Variants in CDHR1 observed in about 807,000 individuals in gnomAD.
The protein encoded by CDHR1 is cadherin-related family member 1.
CDHR1 carries 61 observed loss-of-function variants against 72.1 expected under a neutral mutation model. The observed-to-expected ratio is 0.85, with a 90% CI of 0.69 to 1.05. The LOEUF (loss-of-function observed/expected upper bound fraction) is 1.05. Among genes scored for constraint, CDHR1 ranks in the 50% least tolerant of loss-of-function variants. The pLI, the probability that CDHR1 is intolerant of heterozygous loss-of-function variation, is 0.00. For missense variants in CDHR1, 1,186 were observed against 1,115.7 expected, an observed-to-expected ratio of 1.06 and a Z score of -0.90; for synonymous variants, 470 against 448.1, an observed-to-expected ratio of 1.05 and a Z score of -0.62.
At chr10:84,197,957 C>G in intron 4 of CDHR1, 121 bp downstream of exon 4, 1 of 921,408 alleles carries the variant, frequency 1.1e-6, no homozygotes. Context: ...AAGCTAGGGC[C>G]CAGCAAGACC....
chr10:84,216,458 G>A lies in CDHR1; in HGVS notation c.*1837G>A. ...ATGCTTGCCCTCCACAGGGAATACA[G>A]CATCCTTACAGCTTGCATGCAATCA... is the stretch of plus-strand genomic sequence containing the variant. On this transcript the variant is annotated 3_prime_UTR_variant, in exon 17 of 17. Transcript: ENST00000623527. 2 of 985,502 alleles carry A rather than the reference G, an allele frequency of 2.0e-6. No individual in the cohort carries two copies. The highest frequency in any genetic ancestry group is 2.4e-6 in the Non-Finnish European group (2 of 829,958). 61.0% of individuals were successfully genotyped at this position (985,502 alleles called of 1,614,324 possible). A position where few individuals can be genotyped will look rare whatever the true frequency, so the allele number is the denominator to read the frequency against.
chr10:84,195,802 C>G (rs576067419), intron 2 of CDHR1, among the ~76,000 whole-genome samples: 5 of 152,332 alleles, frequency 3.3e-5, no homozygotes, highest in East Asian at 3.9e-4. Flanking sequence ...GGCTCCCCCC[C>G]ACAGACAGGG....
intron 2 of CDHR1, 71 bp downstream of exon 2, chr10:84,195,660 C>A (rs1842017265): frequency 1.5e-6 from 2 of 1,334,520 alleles, no homozygotes; most frequent in Admixed American, 1.8e-5. Context: ...ACACAAAGTG[C>A]CCCAGGCACC....
chr10:84,211,060 C>T lies in CDHR1; in HGVS notation c.1380C>T (p.Ile460=). The change falls in exon 13 of 17, where the codon ATC becomes ATT. Residue 460 remains isoleucine, a synonymous_variant. Transcript: ENST00000623527. ...TCAGTTCCACAGCGGATGTTGTGAT[C>T]CAGCTCCTGGACACCAATGACAATG... ...EKFSSTADVV[I]QLLDTNDNVP... is the part of the protein sequence containing the mutation. 2 of 1,614,194 alleles carry T rather than the reference C, an allele frequency of 1.2e-6. No individual in the cohort carries two copies. The highest frequency in any genetic ancestry group is 1.7e-5 in the Admixed American group (1 of 60,022).
At chr10:84,198,669 T>A (rs897617639) in intron 4 of CDHR1, among the ~76,000 whole-genome samples, 2 of 152,238 alleles carry the variant, frequency 1.3e-5, no homozygotes, top group Non-Finnish European at 2.9e-5. Flanking sequence ...AGGCCATGTG[T>A]GTGCGCTGGT....
chr10:84,214,857 A>ATCCTAG lies in CDHR1; in HGVS notation c.*236_*237insTCCTAG. On this transcript the variant is annotated 3_prime_UTR_variant, in exon 17 of 17. Transcript: ENST00000623527. ...ATTGGGCTCTAGGATGCAATTGGCA[A>ATCCTAG]ATACGTCCCCGTTACTCAAATCCTT... 6.9e-7 allele frequency: 1 copy of ATCCTAG among 1,453,528 alleles called. No homozygotes were observed. The highest frequency in any genetic ancestry group is 1.4e-5 in the African/African-American group (1 of 70,136). 90.0% of individuals were successfully genotyped at this position (1,453,528 alleles called of 1,614,324 possible). A position where few individuals can be genotyped will look rare whatever the true frequency, so the allele number is the denominator to read the frequency against.
downstream of CDHR1, chr10:84,219,189 G>T (rs1461404475): frequency 7.1e-6 from 11 of 1,550,618 alleles, no homozygotes; most frequent in Non-Finnish European, 9.6e-6. Flanking sequence ...GTCTGTTCTT[G>T]CATCCCCACT....
chr10:84,206,322 G>A (rs536653780), intron 10 of CDHR1, among the ~76,000 whole-genome samples: 4 of 99,978 alleles, frequency 4.0e-5, no homozygotes, highest in East Asian at 4.7e-4. Context: ...CCTGGAGAAG[G>A]AGGAAACGTT....
At position 84,208,869 on chromosome 10, in the gene CDHR1, A is replaced by G; in HGVS notation, c.1308A>G (p.Val436=). 1 of 1,614,030 alleles carries G rather than the reference A, an allele frequency of 6.2e-7. No homozygotes were observed. The highest frequency in any genetic ancestry group is 1.3e-5 in the African/African-American group (1 of 75,058). ...SAAIDFEKSK[V]LTFKLLAVEV... is the part of the protein sequence containing the mutation. Reference sequence around the variant, plus strand: ...CCATTGACTTTGAAAAGTCCAAAGTATTAACCTTCAAGGTAGGTGGTGCCC... The same window carrying G: ...CCATTGACTTTGAAAAGTCCAAAGTGTTAACCTTCAAGGTAGGTGGTGCCC... Residue 436 remains valine (V), a synonymous_variant, in exon 12 of 17, where the codon GTA becomes GTG. Transcript: ENST00000623527.
chr10:84,194,645 C>G lies in CDHR1; in HGVS notation c.-116C>G. On this transcript the variant is annotated 5_prime_UTR_variant, in exon 1 of 17. Transcript: ENST00000623527. ...CGCCCCGTGCCCCCTCCCGCCGCGG[C>G]TGCAGTCGCCGCTACCCCCATTGTG... The G allele has an allele frequency of 5.5e-6, 4 of 723,372 alleles. No homozygotes were observed. Among genetic ancestry groups the G allele is most frequent in the Non-Finnish European group, 8.0e-6 (4 of 499,052 alleles). 44.8% of individuals were successfully genotyped at this position (723,372 alleles called of 1,614,324 possible). A position where few individuals can be genotyped will look rare whatever the true frequency, so the allele number is the denominator to read the frequency against.
chr10:84,204,378 GGA>G, intron 8 of CDHR1, 147 bp from the exon 9 acceptor site: 1 of 663,614 alleles, frequency 1.5e-6, no homozygotes, highest in South Asian at 1.6e-5. Context: ...CCCCTGCAGA[GGA>G]GAGTAGGGCC....
rs116525490 is a variant in CDHR1, at chr10:84,198,348, C to T, written c.348+512C>T. ...ACTAACAACTGGCCTCCGCCACTGG[C>T]GGGATGAAAATTAAGCTTCTGCCTG... On this transcript the variant is annotated intron_variant, in intron 4 of 16. Transcript: ENST00000623527. Among the ~76,000 whole-genome samples the T allele has an allele frequency of 0.01, 1,591 of 152,318 alleles. 55 individuals carry two copies. The East Asian group carries it at 0.13, about 12-fold the overall frequency.
At chr10:84,210,939 G>A (rs941946542) in intron 12 of CDHR1, 62 bp from the exon 13 acceptor site, 9 of 1,566,078 alleles carry the variant, frequency 5.7e-6, no homozygotes, top group Non-Finnish European at 7.9e-6. Context: ...GAGATGAGGT[G>A]GGAAGGCTCT....
At chr10:84,214,036 G>C in intron 16 of CDHR1, 46 bp from the exon 17 acceptor site, 1 of 1,613,478 alleles carries the variant, frequency 6.2e-7, no homozygotes, top group Non-Finnish European at 8.5e-7. Context: ...GTACTCCAGG[G>C]ACCAGGTGGG....
intron 10 of CDHR1, among the ~76,000 whole-genome samples, 187 bp from the exon 11 acceptor site, chr10:84,207,987 A>C (rs1266112703): frequency 6.6e-6 from 1 of 152,194 alleles, no homozygotes; most frequent in East Asian, 1.9e-4. Flanking sequence ...CAGACGTTAC[A>C]ATCTCTTGTC....
intron 4 of CDHR1, 146 bp downstream of exon 4, chr10:84,197,982 A>G (rs1340466444): frequency 1.3e-6 from 1 of 762,424 alleles, no homozygotes; most frequent in Non-Finnish European, 2.3e-6. Context: ...CAAAGTGCCC[A>G]CAGGAGAGGG....
chr10:84,212,300 G>A lies in CDHR1; in HGVS notation c.1675G>A (p.Val559Ile), dbSNP rs778340853. ...KAEDMEGKYS[V>I]AEVFITLLDV... is the part of the protein sequence containing the mutation. Reference sequence around the variant, plus strand: ...AGAGGACATGGAAGGCAAGTACAGCGTAGCTGAGGTGTTTATCACACTGCT... The same window carrying A: ...AGAGGACATGGAAGGCAAGTACAGCATAGCTGAGGTGTTTATCACACTGCT... The change falls in exon 15 of 17, where the codon GTA (valine) becomes ATA (isoleucine). Residue 559 changes from valine to isoleucine, a missense_variant. Val to Ile is a conservative substitution (Grantham distance 29, BLOSUM62 3). Transcript: ENST00000623527. The A allele has an allele frequency of 2.5e-5, 41 of 1,614,210 alleles. No individual in the cohort carries two copies. The highest frequency in any genetic ancestry group is 1.1e-4 in the East Asian group (5 of 44,886).
Position 84,203,199 on chromosome 10 carries a change from C to T in CDHR1, c.783+76C>T, listed in dbSNP as rs113035385. The T allele has an allele frequency of 1.2e-3, 1,851 of 1,584,396 alleles. 19 individuals carry two copies. The African/African-American group carries it at 0.022, about 19-fold the overall frequency. ...TGACCCTTGTGATTTTAGGGACCCC[C>T]TGCTGGAGATGGCTGGTCTGGTCCC... On this transcript the variant is annotated intron_variant, in intron 8 of 16. Transcript: ENST00000623527.
Position 84,194,610 on chromosome 10 carries a change from C to G in CDHR1, c.-151C>G, listed in dbSNP as rs1477249983. The G allele has an allele frequency of 3.8e-6, 2 of 531,304 alleles. No homozygotes were observed. The highest frequency in any genetic ancestry group is 3.6e-5 in the East Asian group (1 of 27,776). The allele number at this position is 531,304 out of a possible 1,614,324, so 32.9% of individuals were successfully genotyped here. On this transcript the variant is annotated 5_prime_UTR_variant, in exon 1 of 17. Coordinates refer to ENST00000623527, the MANE Select transcript of CDHR1 (RefSeq NM_033100.4). ...CATCCTCTTAGCGCCCTCACGCCAC[C>G]CGCCGCTCCCGCCCCGTGCCCCCTC...
Sources: gnomAD v4.1 joint callset for allele counts (sites outside exome capture counted in the v4.1 genomes callset) on GRCh38, gnomAD v4.1.1 for gene constraint, MANE v1.5 for transcripts, NCBI Gene and HGNC (gene_info 2026-07-23, HGNC 2026-07-21) for gene names.